Variants in SMG1 observed in about 807,000 individuals in gnomAD.
SMG1 encodes the protein SMG1 nonsense mediated mRNA decay associated PI3K related kinase.
Under a neutral mutation model 419.9 loss-of-function variants are expected in SMG1, and 22 were observed. That is an observed-to-expected ratio of 0.05 (90% CI 0.04 to 0.07). The LOEUF (loss-of-function observed/expected upper bound fraction) is 0.07, where lower values mean the gene tolerates loss of function less well. SMG1 is among the 10% of genes least tolerant of loss of function. The probability of loss-of-function intolerance (pLI) is 1.00; values close to 1 mark genes in which losing one functional copy is unlikely to be tolerated. For missense variants in SMG1, 3,185 were observed against 4,342.0 expected (o/e 0.73, Z 7.49); for synonymous variants, 1,538 against 1,553.5 (o/e 0.99, Z 0.23).
Position 18,853,705 on chromosome 16 carries a change from G to A in SMG1, c.4646C>T (p.Ala1549Val), listed in dbSNP as rs761861863. Residue 1549 changes from alanine to valine, a missense_variant, in exon 31 of 63, where the codon GCT becomes GTT. This residue lies in a region of SMG1 where 493 missense variants were observed against 552.9 expected (regional missense o/e 0.89). Coordinates refer to ENST00000446231, the MANE Select transcript of SMG1 (RefSeq NM_015092.5). ...ACCTGTGAAGTTCTGTTGGTGCTGA[G>A]CTCTGTAAACCTGTTTCAGCTGTCC... ...ISGQLKQVYR[A>V]QHQQNFTGLS... is the part of the protein sequence containing the mutation. The A allele has an allele frequency of 6.2e-7, 1 of 1,613,780 alleles. No homozygotes were observed. Among genetic ancestry groups the A allele is most frequent in the African/African-American group, 1.3e-5 (1 of 74,928 alleles).
chr16:18,925,657 C>A (rs2038365994), intron 1 of SMG1: 1 of 218,820 alleles, frequency 4.6e-6, no homozygotes, highest in Non-Finnish European at 8.9e-6. Context: ...GCCCCCCACC[C>A]CCACCCCCGC....
chr16:18,902,095 T>C (rs1378981595), intron 1 of SMG1, among the ~76,000 whole-genome samples: 1 of 152,100 alleles, frequency 6.6e-6, no homozygotes, highest in Non-Finnish European at 1.5e-5. Flanking sequence ...AGACTAAGGT[T>C]AGCCACATGG....
chr16:18,851,595 C>G (rs954033136), intron 33 of SMG1, among the ~76,000 whole-genome samples: 4 of 152,234 alleles, frequency 2.6e-5, no homozygotes, highest in African/African-American at 9.6e-5. Flanking sequence ...CAGTCTCACT[C>G]TGTCACCCAG....
At position 18,850,475 on chromosome 16, in the gene SMG1, A is replaced by G; in HGVS notation, c.5053-8T>C. 4 of 1,568,954 alleles carry G rather than the reference A, an allele frequency of 2.5e-6. No homozygotes were observed. Among genetic ancestry groups the G allele is most frequent in the Non-Finnish European group, 3.5e-6 (4 of 1,143,142 alleles). ...AAGTGTTATATCTTCATCCTGAAGA[A>G]AAATTGTGCACAAAATGCTATTTTA... On this transcript the variant is annotated splice_region_variant and splice_polypyrimidine_tract_variant and intron_variant, in intron 33 of 62. Coordinates refer to ENST00000446231, the MANE Select transcript of SMG1 (RefSeq NM_015092.5).
chr16:18,867,267 C>A (rs931821409), intron 22 of SMG1, among the ~76,000 whole-genome samples: 1 of 152,160 alleles, frequency 6.6e-6, no homozygotes. Context: ...AGTGCAGTAG[C>A]TCATGCCTGT....
chr16:18,905,814 G>C (rs970535728), intron 1 of SMG1, among the ~76,000 whole-genome samples: 1 of 151,956 alleles, frequency 6.6e-6, no homozygotes, highest in Non-Finnish European at 1.5e-5. Context: ...GTTTCACCAT[G>C]TTGGCCAGGC....
intron 13 of SMG1, chr16:18,875,807 T>G (rs951195515): frequency 9.8e-6 from 4 of 410,014 alleles, no homozygotes; most frequent in African/African-American, 4.1e-5. Flanking sequence ...TACACAAATT[T>G]GAGCTGTAAG....
chr16:18,920,357 GGAC>G (rs2038149265), intron 1 of SMG1, among the ~76,000 whole-genome samples: 1 of 148,900 alleles, frequency 6.7e-6, no homozygotes, highest in African/African-American at 2.5e-5. Flanking sequence ...ACTCCAGCCT[GGAC>G]AACAAGAGCA....
chr16:18,869,753 T>G (rs992954301), intron 19 of SMG1, 101 bp downstream of exon 19: 22 of 946,044 alleles, frequency 2.3e-5, no homozygotes, highest in Middle Eastern at 3.2e-4. Flanking sequence ...TACTTGATAC[T>G]CTGCCACCCC....
At chr16:18,900,980 AAATAT>A (rs1200120468) in intron 1 of SMG1, among the ~76,000 whole-genome samples, 3 of 152,232 alleles carry the variant, frequency 2.0e-5, no homozygotes, top group Non-Finnish European at 2.9e-5. Flanking sequence ...ACACTGCTCT[AAATAT>A]GAGTCTATGG....
chr16:18,868,745 T>G, intron 20 of SMG1, 26 bp from the exon 21 acceptor site: 2 of 912,980 alleles, frequency 2.2e-6, no homozygotes, highest in Non-Finnish European at 3.3e-6. Context: ...ACATTCTGAA[T>G]TTTTAAAAAT....
At chr16:18,872,149 G>A in intron 15 of SMG1, 35 bp downstream of exon 15, 1 of 1,211,618 alleles carries the variant, frequency 8.3e-7, no homozygotes, top group Non-Finnish European at 1.1e-6. Context: ...AATTAACAAA[G>A]TTAGGAATAG....
intron 1 of SMG1, among the ~76,000 whole-genome samples, chr16:18,903,226 C>G (rs2037417113): frequency 6.6e-6 from 1 of 152,196 alleles, no homozygotes; most frequent in Non-Finnish European, 1.5e-5. Flanking sequence ...TCTCTATTTT[C>G]AGACCTCCAA....
chr16:18,892,157 C>T, intron 4 of SMG1, 61 bp downstream of exon 4: 1 of 1,067,336 alleles, frequency 9.4e-7, no homozygotes, highest in Non-Finnish European at 1.4e-6. Context: ...CTCAAGGTAG[C>T]ATTACCTAGT....
intron 23 of SMG1, 77 bp downstream of exon 23, chr16:18,866,544 G>C (rs2035518128): frequency 5.4e-6 from 7 of 1,296,652 alleles, no homozygotes; most frequent in Non-Finnish European, 7.7e-6. Context: ...TTAAGATTTG[G>C]CTACAATGTC....
chr16:18,903,508 T>C (rs1219007786), intron 1 of SMG1, among the ~76,000 whole-genome samples: 2 of 152,194 alleles, frequency 1.3e-5, no homozygotes, highest in African/African-American at 2.4e-5. Context: ...GATGACCTTA[T>C]AGATTTCTGC....
chr16:18,828,205 G>GA (rs1208129657), intron 54 of SMG1, 37 bp from the exon 55 acceptor site: 18 of 1,597,202 alleles, frequency 1.1e-5, no homozygotes, highest in Non-Finnish European at 1.5e-5. Flanking sequence ...AAATCAGCAG[G>GA]AAAAAAGCGT....
rs1239330829 is a variant in SMG1 at position 18,807,645 on chromosome 16, T to C, written c.*1924A>G. ...AATACAAAAAAGGCCCAGAGCTATG[T>C]GGAATTTTTTCCTTAATACCTTTCA... On this transcript the variant is annotated 3_prime_UTR_variant, in exon 63 of 63. Coordinates refer to ENST00000446231, the MANE Select transcript of SMG1 (RefSeq NM_015092.5). The C allele has an allele frequency of 2.0e-5, 3 of 152,198 alleles. No individual in the cohort carries two copies. Among genetic ancestry groups the C allele is most frequent in the Non-Finnish European group, 4.4e-5 (3 of 68,034 alleles). 9.4% of individuals were successfully genotyped at this position (152,198 alleles called of 1,614,324 possible).
intron 54 of SMG1, among the ~76,000 whole-genome samples, chr16:18,829,046 G>C (rs1219749276): frequency 6.6e-6 from 1 of 151,066 alleles, no homozygotes; most frequent in Non-Finnish European, 1.5e-5. Context: ...TTATCATACA[G>C]CCTTGATGGA....
Sources: gnomAD v4.1 joint callset for allele counts (sites outside exome capture counted in the v4.1 genomes callset) on GRCh38, gnomAD v4.1.1 for gene constraint, gnomAD v4.1.1 regional missense constraint, MANE v1.5 for transcripts, NCBI Gene and HGNC (gene_info 2026-07-23, HGNC 2026-07-21) for gene names.